PPARGC1B: variants seen among roughly 807,000 people sequenced by gnomAD.
PPARGC1B encodes PPARG coactivator 1 beta.
PPARGC1B carries 34 observed loss-of-function variants against 101.6 expected under a neutral mutation model. The ratio of observed to expected loss-of-function variants is 0.33; its 90% CI spans 0.25 to 0.45. The LOEUF (loss-of-function observed/expected upper bound fraction) is 0.45, where lower values mean the gene tolerates loss of function less well. Among genes scored for constraint, PPARGC1B ranks in the 20% least tolerant of loss-of-function variants. The pLI, the probability that PPARGC1B is intolerant of heterozygous loss-of-function variation, is 1.00. For missense variants in PPARGC1B, 1,234 were observed against 1,317.6 expected (o/e 0.94, Z 0.98); for synonymous variants, 548 against 539.3 (o/e 1.02, Z -0.22).
intron 5 of PPARGC1B, 142 bp from the exon 6 acceptor site, chr5:149,834,531 TA>T: frequency 1.5e-6 from 1 of 662,124 alleles, no homozygotes; most frequent in Non-Finnish European, 2.6e-6. Flanking sequence ...TGCCCTTCTC[TA>T]AAAGTGGCAG....
At chr5:149,807,956 G>T (rs1757663965) in intron 1 of PPARGC1B, among the ~76,000 whole-genome samples, 1 of 152,192 alleles carries the variant, frequency 6.6e-6, no homozygotes, top group Non-Finnish European at 1.5e-5. Context: ...AATTTAAGGA[G>T]ATGCTAAAAA....
chr5:149,814,409 A>G (rs1316214697), intron 1 of PPARGC1B, among the ~76,000 whole-genome samples: 1 of 152,172 alleles, frequency 6.6e-6, no homozygotes, highest in East Asian at 1.9e-4. Flanking sequence ...ACAGAATTGT[A>G]TCAAATGCTT....
intron 1 of PPARGC1B, among the ~76,000 whole-genome samples, chr5:149,764,493 G>C (rs1386223379): frequency 6.6e-6 from 1 of 152,222 alleles, no homozygotes; most frequent in African/African-American, 2.4e-5. Flanking sequence ...GAAGGTGCCA[G>C]ACCCAAGTAG....
At position 149,851,615 on chromosome 5, in the gene PPARGC1B, G is replaced by A. The variant is rs1759764218; in HGVS notation, c.*4057G>A. The A allele has an allele frequency of 6.6e-6, 1 of 151,688 alleles. No homozygotes were observed. The highest frequency in any genetic ancestry group is 2.4e-5 in the African/African-American group (1 of 41,366). The allele number at this position is 151,688 out of a possible 1,614,324, so 9.4% of individuals were successfully genotyped here. Reference sequence around the variant, plus strand: ...TCATGGTTTCCCTGGCCAAAGAAGAGGGACCCTGTCATCCTTACCAATGGG... The same window carrying A: ...TCATGGTTTCCCTGGCCAAAGAAGAAGGACCCTGTCATCCTTACCAATGGG... On this transcript the variant is annotated 3_prime_UTR_variant, in exon 12 of 12. Transcript: ENST00000309241.
intron 1 of PPARGC1B, among the ~76,000 whole-genome samples, chr5:149,739,111 T>A (rs145595165): frequency 6.6e-6 from 1 of 152,354 alleles, no homozygotes; most frequent in African/African-American, 2.4e-5. Context: ...AACTTTGTAT[T>A]TTAAACATTT....
At position 149,784,560 on chromosome 5, in the gene PPARGC1B, C is replaced by CTTTTTTTCTT. The variant is rs1204928127; in HGVS notation, c.79-35866_79-35865insCTTTTTTTTT. Among the ~76,000 whole-genome samples, 752 of 75,782 alleles carry CTTTTTTTCTT rather than the reference C, an allele frequency of 9.9e-3. 29 individuals are homozygous for CTTTTTTTCTT. The highest frequency in any genetic ancestry group is 0.041 in the African/African-American group (727 of 17,750). The allele number at this position is 75,782 out of a possible 152,430, so 49.7% of individuals were successfully genotyped here. On this transcript the variant is annotated intron_variant, in intron 1 of 11. Transcript: ENST00000309241. ...AGCCTCACTCCAGCCAACTGAGTTT[C>CTTTTTTTCTT]TTTTTTTTTTTTTTTTTTTTTTTCT... is the stretch of plus-strand genomic sequence containing the variant.
At chr5:149,794,000 A>G (rs1264642341) in intron 1 of PPARGC1B, among the ~76,000 whole-genome samples, 2 of 152,202 alleles carry the variant, frequency 1.3e-5, no homozygotes, top group Admixed American at 1.3e-4. Flanking sequence ...GAACCTAGCC[A>G]TGCCCGTTTA....
At chr5:149,801,704 G>C (rs1000051450) in intron 1 of PPARGC1B, among the ~76,000 whole-genome samples, 4 of 152,204 alleles carry the variant, frequency 2.6e-5, no homozygotes, top group Admixed American at 6.5e-5. Context: ...GCCGCCTGGT[G>C]GGGGCTGGAG....
intron 1 of PPARGC1B, among the ~76,000 whole-genome samples, chr5:149,751,908 G>A (rs13436480): frequency 0.025 from 3,867 of 152,198 alleles, 140 homozygotes; most frequent in African/African-American, 0.083. Flanking sequence ...AACATAGACG[G>A]TAGTCATAGT....
At chr5:149,759,606 G>A (rs62382300) in intron 1 of PPARGC1B, among the ~76,000 whole-genome samples, 11,929 of 152,282 alleles carry the variant, frequency 0.078, 624 homozygotes, top group African/African-American at 0.15. Flanking sequence ...ATGAGAGTTA[G>A]CCTGAGCCCT....
chr5:149,781,131 G>A (rs1756582228), intron 1 of PPARGC1B, among the ~76,000 whole-genome samples: 1 of 152,070 alleles, frequency 6.6e-6, no homozygotes, highest in Non-Finnish European at 1.5e-5. Flanking sequence ...CTTGAACCCG[G>A]GAGGTGGAGG....
chr5:149,832,664 C>T lies in PPARGC1B; in HGVS notation c.591C>T (p.Ser197=). The change falls in exon 5 of 12, where the codon AGC becomes AGT. Residue 197 remains serine (S), a synonymous_variant. Coordinates refer to ENST00000309241, the MANE Select transcript of PPARGC1B (RefSeq NM_133263.4). This position sits in a 1 kb window ranked among gnomAD's most constrained non-coding sequence, Gnocchi z 4.9. ...KSQRPCVKAD[S]TQDKKAPMMQ... ...CCTCTCTCCCTCTCTAGGCGGACAG[C>T]ACCCAAGACAAGAAGGCTCCCATGA... 1 of 1,538,900 alleles carries T rather than the reference C, an allele frequency of 6.5e-7. No homozygotes were observed. The highest frequency in any genetic ancestry group is 8.8e-7 in the Non-Finnish European group (1 of 1,139,846).
At chr5:149,812,432 G>GT (rs1322795665) in intron 1 of PPARGC1B, among the ~76,000 whole-genome samples, 3 of 148,148 alleles carry the variant, frequency 2.0e-5, no homozygotes, top group East Asian at 1.9e-4. Flanking sequence ...GAAAGATTGG[G>GT]TTTTTTTCAT....
rs577812920 is a variant in PPARGC1B, at chr5:149,741,703, C to T, written c.78+11283C>T. On this transcript the variant is annotated intron_variant, in intron 1 of 11. Transcript: ENST00000309241. The stretch of plus-strand genomic sequence containing the variant: ...AGTGCAGTGGCGCGATCTCAGCTCA[C>T]TGCAACCCCCTCCTCCCATGTTCAA... Among the ~76,000 whole-genome samples the T allele has an allele frequency of 2.1e-4, 32 of 151,532 alleles. No individual in the cohort carries two copies. In the South Asian group the frequency reaches 6.5e-3, roughly 31 times the overall value.
chr5:149,764,527 T>A (rs931324442), intron 1 of PPARGC1B, among the ~76,000 whole-genome samples: 1 of 152,198 alleles, frequency 6.6e-6, no homozygotes, highest in Non-Finnish European at 1.5e-5. Flanking sequence ...TTGGAAAGAC[T>A]GCATAGACAC....
chr5:149,827,200 CAT>C (rs1265172113), intron 3 of PPARGC1B, among the ~76,000 whole-genome samples: 2 of 152,256 alleles, frequency 1.3e-5, no homozygotes, highest in Admixed American at 1.3e-4. Context: ...ATTGCACACA[CAT>C]GGTAAAAATC....
Position 149,835,151 on chromosome 5 carries a change from C to A in PPARGC1B, c.1743-150C>A. Reference sequence around the variant, plus strand: ...TCCTCTAACAGCCGGGATGGGGTTTCCCCCAGAGCGAATGCATCTCAGGCT... The same window carrying A: ...TCCTCTAACAGCCGGGATGGGGTTTACCCCAGAGCGAATGCATCTCAGGCT... On this transcript the variant is annotated intron_variant, in intron 6 of 11. Coordinates refer to ENST00000309241, the MANE Select transcript of PPARGC1B (RefSeq NM_133263.4). 4.1e-6 allele frequency: 3 copies of A among 740,680 alleles called. No homozygotes were observed. In the South Asian group the frequency reaches 5.0e-5, roughly 12 times the overall value. 45.9% of individuals were successfully genotyped at this position (740,680 alleles called of 1,614,324 possible). A position where few individuals can be genotyped will look rare whatever the true frequency, so the allele number is the denominator to read the frequency against.
rs1286684703 is a variant in PPARGC1B, at chr5:149,833,189, G to A, written c.1116G>A (p.Arg372=). The A allele has an allele frequency of 6.2e-7, 1 of 1,613,424 alleles. No homozygotes were observed. ...ATPVYASLTP[R]SRPRPPKDSQ... is the part of the protein sequence containing the mutation. ...CTGTTTATGCCTCCCTCACACCTCG[G>A]TCAAGGCCCAGGCCCCCCAAAGACA... The change falls in exon 5 of 12, where the codon CGG becomes CGA. Residue 372 remains arginine (R), a synonymous_variant. Transcript: ENST00000309241. This position sits in a 1 kb window ranked among gnomAD's most constrained non-coding sequence, Gnocchi z 4.1.
At position 149,836,977 on chromosome 5, in the gene PPARGC1B, C is replaced by A; in HGVS notation, c.2522C>A (p.Pro841Gln). Residue 841 changes from proline to glutamine, a missense_variant, in exon 8 of 12, where the codon CCA becomes CAA. Coordinates refer to ENST00000309241, the MANE Select transcript of PPARGC1B (RefSeq NM_133263.4). ...CSDHCPYQSPPSKANRQLCSR... is the reference protein window; with the variant it reads ...CSDHCPYQSPQSKANRQLCSR... ...GACCACTGCCCCTACCAGAGCCCAC[C>A]AAGCAAGGCCAACCGGCAGCTCTGT... The A allele has an allele frequency of 6.2e-7, 1 of 1,614,078 alleles. No homozygotes were observed. The highest frequency in any genetic ancestry group is 1.1e-5 in the South Asian group (1 of 91,080).
Sources: allele counts gnomAD v4.1 joint callset (sites outside exome capture counted in the v4.1 genomes callset), GRCh38; gene constraint gnomAD v4.1.1; non-coding constraint Gnocchi (gnomAD v3.1); transcripts MANE v1.5; gene names NCBI Gene and HGNC (gene_info 2026-07-23, HGNC 2026-07-21).